Variants in PKNOX2 observed in about 807,000 individuals in gnomAD.
PKNOX2 encodes the protein homeobox protein PKNOX2.
In PKNOX2, 14 loss-of-function variants were observed where a neutral mutation model predicts 53.1. That is an observed-to-expected ratio of 0.26 (90% CI 0.17 to 0.41). The LOEUF is 0.41. Among genes scored for constraint, PKNOX2 ranks in the 10% least tolerant of loss-of-function variants. The pLI, the probability that PKNOX2 is intolerant of heterozygous loss-of-function variation, is 1.00. For missense variants in PKNOX2, 496 were observed against 602.8 expected (o/e 0.82, Z 1.85); for synonymous variants, 257 against 242.8 (o/e 1.06, Z -0.54).
chr11:125,354,859 G>A (rs564331205), intron 4 of PKNOX2, among the ~76,000 whole-genome samples: 48 of 152,260 alleles, frequency 3.2e-4, no homozygotes, highest in African/African-American at 9.4e-4. Flanking sequence ...ATGGCTAAGC[G>A]GCTTCTAGCC....
At chr11:125,373,439 G>T (rs1952660237) in intron 5 of PKNOX2, among the ~76,000 whole-genome samples, 1 of 152,186 alleles carries the variant, frequency 6.6e-6, no homozygotes, top group Admixed American at 6.5e-5. Flanking sequence ...AACTTTCTGT[G>T]ACTCAGTTTC....
At chr11:125,170,434 G>A (rs574724830) in intron 1 of PKNOX2, among the ~76,000 whole-genome samples, 1 of 152,292 alleles carries the variant, frequency 6.6e-6, no homozygotes, top group Non-Finnish European at 1.5e-5. Flanking sequence ...GGTTGAGAGA[G>A]CAACAGTTGG....
intron 1 of PKNOX2, among the ~76,000 whole-genome samples, chr11:125,167,323 C>T (rs1442169117): frequency 2.0e-5 from 3 of 152,184 alleles, no homozygotes; most frequent in Non-Finnish European, 4.4e-5. Flanking sequence ...TTACAGGACA[C>T]GGAAGACGCA....
intron 1 of PKNOX2, among the ~76,000 whole-genome samples, chr11:125,205,077 T>C (rs1040169016): frequency 8.5e-5 from 13 of 152,238 alleles, no homozygotes; most frequent in African/African-American, 3.1e-4. Flanking sequence ...GCACAGGGCT[T>C]GTGTCCATTA....
chr11:125,223,466 G>C (rs1228068390), intron 1 of PKNOX2, among the ~76,000 whole-genome samples: 3 of 152,200 alleles, frequency 2.0e-5, no homozygotes, highest in Non-Finnish European at 2.9e-5. Flanking sequence ...CTGGACTCAA[G>C]TGATTCACCT....
At position 125,240,680 on chromosome 11, in the gene PKNOX2, T is replaced by A. The variant is rs1316747038; in HGVS notation, c.-130+5565T>A. On this transcript the variant is annotated intron_variant, in intron 2 of 12. Transcript: ENST00000298282. The surrounding 1 kb of genome is among the most constrained non-coding windows in gnomAD (Gnocchi z 4.3). ...CTGTGGTGCCTGTCACTTCCACCAT[T>A]ACCCATTCTCAGATCCTTCTCAAAT... Among the ~76,000 whole-genome samples the A allele has an allele frequency of 6.6e-6, 1 of 152,120 alleles. No individual in the cohort carries two copies. The highest frequency in any genetic ancestry group is 1.5e-5 in the Non-Finnish European group (1 of 68,028).
chr11:125,426,237 G>A (rs956914428), intron 10 of PKNOX2, among the ~76,000 whole-genome samples: 4 of 152,180 alleles, frequency 2.6e-5, no homozygotes, highest in South Asian at 4.1e-4. Flanking sequence ...CTCCTGCCTG[G>A]AACATCATCC....
chr11:125,189,411 ATATGTGTGTGTG>A (rs1180146858), intron 1 of PKNOX2, among the ~76,000 whole-genome samples: 2,377 of 50,946 alleles, frequency 0.047, 66 homozygotes, highest in East Asian at 0.095. Flanking sequence ...GTGTATATAT[ATATGTGTGTGTG>A]TGTGTGTGTG....
intron 2 of PKNOX2, among the ~76,000 whole-genome samples, chr11:125,271,268 T>A (rs1945770720): frequency 2.0e-5 from 3 of 152,208 alleles, no homozygotes; most frequent in African/African-American, 7.2e-5. Context: ...AAGTCCAGCT[T>A]GGCCATTTTG....
intron 10 of PKNOX2, among the ~76,000 whole-genome samples, chr11:125,413,116 G>A (rs1290758248): frequency 6.6e-6 from 1 of 152,228 alleles, no homozygotes; most frequent in South Asian, 2.1e-4. Context: ...TGCCCCAGTG[G>A]TTTGCTGAGT....
At chr11:125,200,152 T>G (rs1938271952) in intron 1 of PKNOX2, among the ~76,000 whole-genome samples, 1 of 152,204 alleles carries the variant, frequency 6.6e-6, no homozygotes, top group African/African-American at 2.4e-5. Context: ...TTCCCCCAGA[T>G]GGTAACCGGA....
intron 2 of PKNOX2, among the ~76,000 whole-genome samples, chr11:125,253,979 C>T (rs545373720): frequency 2.6e-5 from 4 of 152,218 alleles, no homozygotes; most frequent in South Asian, 4.1e-4. Flanking sequence ...GTGGGAGCAT[C>T]GAAGGAAGCC....
chr11:125,228,564 T>C (rs1191792241), intron 1 of PKNOX2, among the ~76,000 whole-genome samples: 1 of 152,196 alleles, frequency 6.6e-6, no homozygotes, highest in East Asian at 1.9e-4. Flanking sequence ...TGTTGCTGTA[T>C]GGTCCATGTC....
intron 1 of PKNOX2, among the ~76,000 whole-genome samples, chr11:125,206,387 T>C (rs143690801): frequency 5.3e-4 from 81 of 152,096 alleles, no homozygotes; most frequent in African/African-American, 1.9e-3. Flanking sequence ...TCTGCACAAA[T>C]GCGTGGAGGC....
intron 1 of PKNOX2, among the ~76,000 whole-genome samples, chr11:125,188,924 C>T (rs781445038): frequency 3.3e-5 from 5 of 151,932 alleles, no homozygotes; most frequent in Non-Finnish European, 4.4e-5. Flanking sequence ...ACGTGGCACC[C>T]TGCAGAAAAG....
At chr11:125,399,169 G>A (rs891176760) in intron 7 of PKNOX2, among the ~76,000 whole-genome samples, 21 of 152,222 alleles carry the variant, frequency 1.4e-4, no homozygotes, top group Admixed American at 3.9e-4. Context: ...GTGAGACTCC[G>A]TAGTGAGTAC....
chr11:125,364,929 G>A (rs933161735), intron 4 of PKNOX2, among the ~76,000 whole-genome samples: 11 of 152,006 alleles, frequency 7.2e-5, no homozygotes, highest in Admixed American at 2.0e-4. Context: ...TGGTCAGTCC[G>A]ACTCTGCTTG....
intron 4 of PKNOX2, among the ~76,000 whole-genome samples, chr11:125,353,506 G>T (rs1410340210): frequency 3.3e-5 from 5 of 152,210 alleles, no homozygotes; most frequent in African/African-American, 1.2e-4. Flanking sequence ...GCCCTAAGGT[G>T]CTCAGCCCCC....
intron 2 of PKNOX2, among the ~76,000 whole-genome samples, chr11:125,283,372 G>T (rs1237399249): frequency 1.3e-5 from 2 of 152,198 alleles, no homozygotes; most frequent in Admixed American, 1.3e-4. Flanking sequence ...TGCCCCTTCA[G>T]TGTGTTCCCT....
Sources: gnomAD v4.1 joint callset for allele counts (sites outside exome capture counted in the v4.1 genomes callset) on GRCh38, gnomAD v4.1.1 for gene constraint, Gnocchi (gnomAD v3.1) non-coding constraint, MANE v1.5 for transcripts, NCBI Gene and HGNC (gene_info 2026-07-23, HGNC 2026-07-21) for gene names.